Variants in TANC1 observed in about 807,000 individuals in gnomAD.
The protein encoded by TANC1 is tetratricopeptide repeat, ankyrin repeat and coiled-coil containing 1, also known as protein TANC1.
A neutral mutation model predicts 149.7 loss-of-function variants in TANC1; 77 were observed. The observed-to-expected ratio is 0.51, with a 90% CI of 0.43 to 0.62. The LOEUF is 0.62. TANC1 is among the 20% of genes least tolerant of loss of function. The pLI is 0.00. For synonymous variants in TANC1, 854 were observed against 925.0 expected, an observed-to-expected ratio of 0.92 and a Z score of 1.39; for missense variants, 1,985 against 2,321.8, an observed-to-expected ratio of 0.85 and a Z score of 2.98.
At chr2:159,134,902 G>C (rs2150189845) in intron 4 of TANC1, among the ~76,000 whole-genome samples, 1 of 152,260 alleles carries the variant, frequency 6.6e-6, no homozygotes, top group South Asian at 2.1e-4. Flanking sequence ...ACAGGTGTGA[G>C]CCACCGTGCC....
At position 159,185,827 on chromosome 2, in the gene TANC1, T is replaced by C. The variant is rs2056921144; in HGVS notation, c.2547T>C (p.Arg849=). 6.2e-7 allele frequency: 1 copy of C among 1,613,980 alleles called. No homozygotes were observed. The highest frequency in any genetic ancestry group is 1.3e-5 in the African/African-American group (1 of 74,880). The part of the protein sequence containing the change: ...GHALLAFMFS[R]QEGKLNRQQT... ...CGCTCTTGGCATTCATGTTCTCGCGTCAGGAGGGCAAGTTGAACCGCCAGC... is the reference window on the plus strand; with the variant it reads ...CGCTCTTGGCATTCATGTTCTCGCGCCAGGAGGGCAAGTTGAACCGCCAGC... The change falls in exon 15 of 27, where the codon CGT becomes CGC. Residue 849 remains arginine (R), a synonymous_variant. Transcript: ENST00000263635.
At chr2:159,086,513 G>C (rs1292037218) in intron 3 of TANC1, among the ~76,000 whole-genome samples, 1 of 152,144 alleles carries the variant, frequency 6.6e-6, no homozygotes, top group Non-Finnish European at 1.5e-5. Context: ...CGAGGTGCCT[G>C]AATAGGGGAA....
intron 2 of TANC1, among the ~76,000 whole-genome samples, chr2:159,052,714 A>G (rs1046177618): frequency 3.3e-5 from 5 of 152,242 alleles, no homozygotes; most frequent in African/African-American, 4.8e-5. Flanking sequence ...CATTGCTTCA[A>G]TCATGAAAGT....
intron 4 of TANC1, among the ~76,000 whole-genome samples, chr2:159,100,196 G>C (rs1432240487): frequency 6.6e-6 from 1 of 152,074 alleles, no homozygotes; most frequent in Admixed American, 6.5e-5. Flanking sequence ...ATGTTGCTTG[G>C]GCCTTAGGAC....
chr2:159,032,919 C>T (rs1204227340), intron 2 of TANC1, among the ~76,000 whole-genome samples: 2 of 152,132 alleles, frequency 1.3e-5, no homozygotes, highest in African/African-American at 4.8e-5. Flanking sequence ...TTTGATAGGC[C>T]TCCCCCTTTT....
rs138943450 is a variant in TANC1 at position 159,044,080 on chromosome 2, A to C, written c.-15-21816A>C. On this transcript the variant is annotated intron_variant, in intron 2 of 26. Transcript: ENST00000263635. ...TTGTGTGGCTTTAGGAACTTGGGGA[A>C]ACTTGCTAACCGTGTGCTGAGATCT... Among the ~76,000 whole-genome samples, 182 of 152,278 alleles carry C rather than the reference A, an allele frequency of 1.2e-3. 1 individual carries two copies. Among genetic ancestry groups the C allele is most frequent in the African/African-American group, 4.1e-3 (171 of 41,558 alleles).
chr2:159,033,742 C>T (rs2039965409), intron 2 of TANC1, among the ~76,000 whole-genome samples: 1 of 152,148 alleles, frequency 6.6e-6, no homozygotes, highest in Non-Finnish European at 1.5e-5. Context: ...AGGCTTCACC[C>T]CAGGTTCTTT....
intron 2 of TANC1, among the ~76,000 whole-genome samples, chr2:159,049,832 G>C (rs1192503231): frequency 6.6e-6 from 1 of 152,146 alleles, no homozygotes; most frequent in East Asian, 1.9e-4. Flanking sequence ...GAGGAAGATG[G>C]GTTTAGTTTT....
chr2:159,042,531 G>C (rs2040727670), intron 2 of TANC1, among the ~76,000 whole-genome samples: 1 of 152,060 alleles, frequency 6.6e-6, no homozygotes, highest in Admixed American at 6.6e-5. Context: ...AGAGCGGGAG[G>C]GTGGTGGATG....
intron 14 of TANC1, among the ~76,000 whole-genome samples, chr2:159,182,128 GA>G (rs1449444624): frequency 6.6e-6 from 1 of 151,972 alleles, no homozygotes; most frequent in Non-Finnish European, 1.5e-5. Context: ...AGAATTGCTT[GA>G]ACCCAGGAGG....
intron 6 of TANC1, chr2:159,150,161 C>T: frequency 2.3e-6 from 1 of 443,204 alleles, no homozygotes; most frequent in East Asian, 3.5e-5. Context: ...AACAAAGATA[C>T]TGCTTTCTCA....
chr2:159,075,412 A>C (rs1433630069), intron 3 of TANC1, among the ~76,000 whole-genome samples: 1 of 111,608 alleles, frequency 9.0e-6, no homozygotes, highest in Non-Finnish European at 2.4e-5. Context: ...TTAAAAAAAA[A>C]AAACAAAAAA....
chr2:158,972,195 C>T (rs148719993), intron 1 of TANC1, among the ~76,000 whole-genome samples: 267 of 152,144 alleles, frequency 1.8e-3, no homozygotes, highest in African/African-American at 6.0e-3. Flanking sequence ...ATTTATAATC[C>T]GGACTAGTAA....
chr2:158,990,162 G>A (rs1056049973), intron 1 of TANC1, among the ~76,000 whole-genome samples: 2 of 151,742 alleles, frequency 1.3e-5, no homozygotes, highest in Non-Finnish European at 2.9e-5. Flanking sequence ...TGATCTGCCC[G>A]CCTGACCTCG....
intron 2 of TANC1, among the ~76,000 whole-genome samples, chr2:159,013,307 G>A (rs963399677): frequency 2.6e-5 from 4 of 152,222 alleles, no homozygotes; most frequent in African/African-American, 4.8e-5. Flanking sequence ...ATTGTGTCTC[G>A]AGAGGGTGAG....
At chr2:159,155,274 A>G (rs2053299320) in intron 7 of TANC1, among the ~76,000 whole-genome samples, 1 of 152,234 alleles carries the variant, frequency 6.6e-6, no homozygotes, top group African/African-American at 2.4e-5. Context: ...CAGCTTTCCT[A>G]TCAAAATAAA....
At chr2:159,171,856 T>TA (rs1167819599) in intron 10 of TANC1, among the ~76,000 whole-genome samples, 1 of 16,886 alleles carries the variant, frequency 5.9e-5, no homozygotes, top group South Asian at 2.3e-3. Flanking sequence ...GACTCCGCCT[T>TA]AAAAAAAAAA....
At chr2:159,067,091 A>G (rs2042737547) in intron 3 of TANC1, among the ~76,000 whole-genome samples, 1 of 152,234 alleles carries the variant, frequency 6.6e-6, no homozygotes, top group Non-Finnish European at 1.5e-5. Context: ...TTTAAGAAGT[A>G]TGTTTATTAC....
At position 159,123,890 on chromosome 2, in the gene TANC1, G is replaced by A. The variant is rs535004076; in HGVS notation, c.260-12304G>A. Among the ~76,000 whole-genome samples the A allele has an allele frequency of 8.6e-5, 13 of 152,036 alleles. 1 individual carries two copies. In the South Asian group the frequency reaches 2.1e-3, roughly 24 times the overall value. On this transcript the variant is annotated intron_variant, in intron 4 of 26. Coordinates refer to ENST00000263635, the MANE Select transcript of TANC1 (RefSeq NM_033394.3). ...CATTCAGTGACGCCAGTCTCCCCTC[G>A]TGCCCCCAGCCTCAGGTACAGCTCA...
Sources: gnomAD v4.1 joint callset for allele counts (sites outside exome capture counted in the v4.1 genomes callset) on GRCh38, gnomAD v4.1.1 for gene constraint, MANE v1.5 for transcripts, NCBI Gene and HGNC (gene_info 2026-07-23, HGNC 2026-07-21) for gene names.